FTCDNL1: variants seen among roughly 807,000 people sequenced by gnomAD.
The protein encoded by FTCDNL1 is formiminotransferase cyclodeaminase N-terminal like, also known as formiminotransferase N-terminal subdomain-containing protein.
A neutral mutation model predicts 5.9 loss-of-function variants in FTCDNL1; 11 were observed. The ratio of observed to expected loss-of-function variants is 1.87; its 90% CI spans 1.18 to 3.10. FTCDNL1 has a LOEUF of 3.10. Among genes scored for constraint, FTCDNL1 ranks in the 30% most tolerant of loss-of-function variants. FTCDNL1 has a pLI of 0.00. For missense variants in FTCDNL1, 115 were observed against 65.5 expected (o/e 1.76, Z -2.61); for synonymous variants, 58 against 24.8 (o/e 2.34, Z -3.99).
chr2:199,819,745 T>A lies in FTCDNL1; in HGVS notation c.224A>T (p.Asp75Val). ...GCAGCCAGGAACATGCAGCACCAGATCCTCAGCAAGGCCTGTGGCAGAGGG... is the reference window on the plus strand; with the variant it reads ...GCAGCCAGGAACATGCAGCACCAGAACCTCAGCAAGGCCTGTGGCAGAGGG... ...TSVDKLGLAE[D>V]LVLHVPGCSV... Residue 75 changes from aspartate (D) to valine (V), a missense_variant, in exon 4 of 5, where the codon GAT becomes GTT. Physicochemically the swap from Asp to Val is radical, Grantham distance 152. Transcript: ENST00000420128. 1 of 701,464 alleles carries A rather than the reference T, an allele frequency of 1.4e-6. No individual in the cohort carries two copies. The highest frequency in any genetic ancestry group is 2.7e-5 in the East Asian group (1 of 37,258). The allele number at this position is 701,464 out of a possible 1,614,324, so 43.5% of individuals were successfully genotyped here. A position where few individuals can be genotyped will look rare whatever the true frequency, so the allele number is the denominator to read the frequency against.
chr2:199,836,791 A>T (rs1188376210), intron 3 of FTCDNL1, among the ~76,000 whole-genome samples: 1 of 152,128 alleles, frequency 6.6e-6, no homozygotes, highest in East Asian at 1.9e-4. Context: ...GATACAGGGA[A>T]GGAGTAAAAG....
At chr2:199,838,974 A>G (rs1702946921) in intron 3 of FTCDNL1, among the ~76,000 whole-genome samples, 1 of 152,174 alleles carries the variant, frequency 6.6e-6, no homozygotes, top group Non-Finnish European at 1.5e-5. Flanking sequence ...CCTCTGGGGA[A>G]CCTGAACAGC....
the FTCDNL1 span, among the ~76,000 whole-genome samples, chr2:199,679,222 T>C: frequency 6.6e-6 from 1 of 152,170 alleles, no homozygotes; most frequent in Admixed American, 6.6e-5. Flanking sequence ...CTTCTGTGAA[T>C]TGTCTGTTCT....
chr2:199,827,998 G>A (rs918571298), intron 3 of FTCDNL1, among the ~76,000 whole-genome samples: 1 of 152,122 alleles, frequency 6.6e-6, no homozygotes, highest in Admixed American at 6.5e-5. Flanking sequence ...TTACAATGAA[G>A]AGACAACCAA....
the FTCDNL1 span, among the ~76,000 whole-genome samples, chr2:199,754,362 G>A: frequency 6.6e-6 from 1 of 152,096 alleles, no homozygotes; most frequent in Non-Finnish European, 1.5e-5. Context: ...CTTTTTCCAC[G>A]TCCATGGGCT....
At chr2:199,787,861 T>TA (rs1254728348) in intron 3 of FTCDNL1, among the ~76,000 whole-genome samples, 1 of 152,154 alleles carries the variant, frequency 6.6e-6, no homozygotes, top group African/African-American at 2.4e-5. Context: ...AGTAAAAATA[T>TA]AAAATACATA....
chr2:199,680,718 G>A, the FTCDNL1 span, among the ~76,000 whole-genome samples: 93 of 152,338 alleles, frequency 6.1e-4, no homozygotes, highest in African/African-American at 2.2e-3. Context: ...TCCATCCTCA[G>A]AGAGTAGATG....
intron 3 of FTCDNL1, among the ~76,000 whole-genome samples, chr2:199,765,939 C>T (rs1363380292): frequency 6.6e-6 from 1 of 152,060 alleles, no homozygotes; most frequent in Non-Finnish European, 1.5e-5. Context: ...TTCTCTGTCC[C>T]TCTGTCACTG....
chr2:199,836,673 G>A (rs1240405952), intron 3 of FTCDNL1, among the ~76,000 whole-genome samples: 2 of 152,140 alleles, frequency 1.3e-5, no homozygotes, highest in Non-Finnish European at 2.9e-5. Context: ...GGTGGAGGTG[G>A]CAGGATCACT....
chr2:199,835,197 A>G (rs1320947984), intron 3 of FTCDNL1, among the ~76,000 whole-genome samples: 1 of 152,120 alleles, frequency 6.6e-6, no homozygotes, highest in Non-Finnish European at 1.5e-5. Context: ...AAATAAATCA[A>G]ACATGAACAC....
At chr2:199,765,556 A>ATTTTTTTTTTTTTTTTTTTTTTT (rs374926252) in intron 3 of FTCDNL1, among the ~76,000 whole-genome samples, 1 of 42,656 alleles carries the variant, frequency 2.3e-5, no homozygotes, top group Non-Finnish European at 4.8e-5. Flanking sequence ...ATATATATAT[A>ATTTTTTTTTTTTTTTTTTTTTTT]TTTTTTTTTT....
the FTCDNL1 span, among the ~76,000 whole-genome samples, chr2:199,734,310 C>T: frequency 6.6e-6 from 1 of 152,176 alleles, no homozygotes; most frequent in African/African-American, 2.4e-5. Context: ...ATGTGTACTG[C>T]AGTGATTCTT....
At chr2:199,714,181 G>A in the FTCDNL1 span, among the ~76,000 whole-genome samples, 1 of 152,204 alleles carries the variant, frequency 6.6e-6, no homozygotes, top group South Asian at 2.1e-4. Flanking sequence ...GACGATTTAT[G>A]TCTCATGCCT....
intron 3 of FTCDNL1, among the ~76,000 whole-genome samples, chr2:199,788,087 G>A (rs1238241889): frequency 6.6e-6 from 1 of 152,170 alleles, no homozygotes; most frequent in Non-Finnish European, 1.5e-5. Context: ...GTAGAATTAA[G>A]GGCTAAGATG....
chr2:199,805,940 G>A (rs952826505), downstream of FTCDNL1, among the ~76,000 whole-genome samples: 1 of 151,682 alleles, frequency 6.6e-6, no homozygotes, highest in African/African-American at 2.4e-5. Context: ...AAAGTATATG[G>A]AAGGATGAAT....
At position 199,848,933 on chromosome 2, in the gene FTCDNL1, C is replaced by T. The variant is rs2076801499; in HGVS notation, c.30G>A (p.Leu10=). 1 of 702,170 alleles carries T rather than the reference C, an allele frequency of 1.4e-6. No individual in the cohort carries two copies. Among genetic ancestry groups the T allele is most frequent in the Admixed American group, 2.0e-5 (1 of 49,996 alleles). The allele number at this position is 702,170 out of a possible 1,614,324, so 43.5% of individuals were successfully genotyped here. The part of the protein sequence containing the change: MSSSRVGLR[L]AACLLNVSEA... Reference sequence around the variant, plus strand: ...CTGAAACGTTTAGTAAACAGGCAGCCAAACGGAGCCCCACTCTGGAAGAAG... The same window carrying T: ...CTGAAACGTTTAGTAAACAGGCAGCTAAACGGAGCCCCACTCTGGAAGAAG... The change falls in exon 2 of 5, where the codon TTG becomes TTA. Residue 10 remains leucine (L), a synonymous_variant. Coordinates refer to ENST00000420128, the MANE Select transcript of FTCDNL1 (RefSeq NM_001363886.2).
At chr2:199,671,889 C>T in the FTCDNL1 span, among the ~76,000 whole-genome samples, 1 of 152,144 alleles carries the variant, frequency 6.6e-6, no homozygotes, top group East Asian at 1.9e-4. Flanking sequence ...AAACTCAAAG[C>T]TCTAAAAATA....
intron 3 of FTCDNL1, among the ~76,000 whole-genome samples, chr2:199,791,004 T>C (rs1559190032): frequency 6.6e-6 from 1 of 152,184 alleles, no homozygotes; most frequent in Non-Finnish European, 1.5e-5. Flanking sequence ...GGTATTGTGA[T>C]ATTTATTAAA....
chr2:199,838,954 G>A (rs1447196611), intron 3 of FTCDNL1, among the ~76,000 whole-genome samples: 2 of 152,114 alleles, frequency 1.3e-5, no homozygotes, highest in African/African-American at 4.8e-5. Context: ...GCTGGACACT[G>A]GAAGATCCTC....
Sources: allele counts gnomAD v4.1 joint callset (sites outside exome capture counted in the v4.1 genomes callset), GRCh38; gene constraint gnomAD v4.1.1; transcripts MANE v1.5; gene names NCBI Gene and HGNC (gene_info 2026-07-23, HGNC 2026-07-21).